Variants in MIOS observed in about 807,000 individuals in gnomAD.
MIOS encodes GATOR2 complex protein MIOS.
In MIOS, 52 loss-of-function variants were observed where a neutral mutation model predicts 96.9. The observed-to-expected ratio is 0.54, with a 90% confidence interval of 0.43 to 0.68. MIOS has a LOEUF of 0.68. Among genes scored for constraint, MIOS ranks in the 30% least tolerant of loss-of-function variants. The pLI, the probability that MIOS is intolerant of heterozygous loss-of-function variation, is 0.00. For synonymous variants in MIOS, 397 were observed against 359.5 expected (o/e 1.10, Z -1.18); for missense variants, 1,005 against 1,052.8 (o/e 0.95, Z 0.63).
intron 11 of MIOS, among the ~76,000 whole-genome samples, chr7:7,600,874 A>C (rs1784355317): frequency 6.6e-6 from 1 of 152,212 alleles, no homozygotes; most frequent in South Asian, 2.1e-4. Flanking sequence ...TGTCTCTCAG[A>C]CCACAGTGCA....
In MIOS at chr7:7,589,577, G is replaced by T; in HGVS notation, c.2043+14G>T. The T allele has an allele frequency of 6.4e-7, 1 of 1,562,632 alleles. No individual in the cohort carries two copies. The highest frequency in any genetic ancestry group is 1.2e-5 in the South Asian group (1 of 82,024). On this transcript the variant is annotated intron_variant, in intron 9 of 12. Transcript: ENST00000340080. ...TGTATGTTACAGGTCAGTGCAGTTT[G>T]ACAGCAGCTTTTAAAAAAGTAACAA...
intron 11 of MIOS, among the ~76,000 whole-genome samples, chr7:7,600,096 G>A (rs566081346): frequency 2.2e-4 from 33 of 151,898 alleles, no homozygotes; most frequent in Admixed American, 3.9e-4. Flanking sequence ...GAAATAATCC[G>A]TACACCAAAA....
intron 7 of MIOS, 88 bp downstream of exon 7, chr7:7,585,893 A>C: frequency 8.4e-7 from 1 of 1,184,584 alleles, no homozygotes; most frequent in South Asian, 1.9e-5. Context: ...TGTCTGTTGC[A>C]TAAAATATTA....
At position 7,608,221 on chromosome 7, in the gene MIOS, A is replaced by C. The variant is rs988352823; in HGVS notation, c.*1129A>C. On this transcript the variant is annotated 3_prime_UTR_variant, in exon 13 of 13. Transcript: ENST00000340080. ...TGTAAGAGAAATACAAAGAATTTAC[A>C]AGATGCTTCTCTGTCATCTGCCATA... 6.6e-6 allele frequency: 1 copy of C among 152,088 alleles called. No individual in the cohort carries two copies. The highest frequency in any genetic ancestry group is 1.5e-5 in the Non-Finnish European group (1 of 67,976). The allele number at this position is 152,088 out of a possible 1,614,324, so 9.4% of individuals were successfully genotyped here.
At chr7:7,603,108 G>A (rs200211404) in intron 11 of MIOS, among the ~76,000 whole-genome samples, 23 of 152,266 alleles carry the variant, frequency 1.5e-4, no homozygotes, top group Admixed American at 3.3e-4. Flanking sequence ...ACCTAAAACC[G>A]TAAAAACCCT....
intron 5 of MIOS, among the ~76,000 whole-genome samples, chr7:7,575,574 T>A (rs1242701271): frequency 6.6e-6 from 1 of 152,166 alleles, no homozygotes; most frequent in East Asian, 1.9e-4. Flanking sequence ...TGCCTATTGC[T>A]ACAAAGAATT....
intron 3 of MIOS, among the ~76,000 whole-genome samples, chr7:7,570,123 A>G (rs1783301815): frequency 1.3e-5 from 2 of 152,350 alleles, no homozygotes; most frequent in South Asian, 4.1e-4. Flanking sequence ...AAAGATGAAT[A>G]AAAGAAAAGC....
At chr7:7,582,572 A>C in intron 5 of MIOS, 3 of 881,270 alleles carry the variant, frequency 3.4e-6, no homozygotes, top group Non-Finnish European at 4.1e-6. Context: ...TAAAATTATT[A>C]CTTACCTTAA....
At chr7:7,593,553 T>C (rs1029907814) in intron 9 of MIOS, among the ~76,000 whole-genome samples, 1 of 152,072 alleles carries the variant, frequency 6.6e-6, no homozygotes, top group Admixed American at 6.6e-5. Flanking sequence ...TTCTCCATTA[T>C]GTAAAGTTAA....
At chr7:7,588,691 A>G in intron 8 of MIOS, 128 bp downstream of exon 8, 1 of 473,110 alleles carries the variant, frequency 2.1e-6, no homozygotes, top group Non-Finnish European at 3.4e-6. Flanking sequence ...GTATGGTAAG[A>G]ATTTATTAGA....
intron 5 of MIOS, among the ~76,000 whole-genome samples, chr7:7,576,620 G>C (rs1783542609): frequency 6.6e-6 from 1 of 152,138 alleles, no homozygotes; most frequent in Non-Finnish European, 1.5e-5. Flanking sequence ...TAAGCAGTGG[G>C]CTAACTCAAG....
chr7:7,573,590 G>C lies in MIOS; in HGVS notation c.1115G>C (p.Arg372Pro). ...ACATCTTTAATGTGGGCTTGTGGTC[G>C]TCATTTATATGAATGTACGGAAGAA... ...PITSLMWACG[R>P]HLYECTEEEN... The change falls in exon 4 of 13, where the codon CGT becomes CCT. Residue 372 changes from arginine to proline, a missense_variant. By Grantham distance (103) the Arg-to-Pro change is moderately radical (BLOSUM62 -2). This residue lies in a region of MIOS where 865 missense variants were observed against 887.9 expected (regional missense o/e 0.97). Coordinates refer to ENST00000340080, the MANE Select transcript of MIOS (RefSeq NM_019005.4). The surrounding 1 kb of genome is among the most constrained non-coding windows in gnomAD (Gnocchi z 5.0). 1 of 1,613,984 alleles carries C rather than the reference G, an allele frequency of 6.2e-7. No individual in the cohort carries two copies. The highest frequency in any genetic ancestry group is 8.5e-7 in the Non-Finnish European group (1 of 1,179,930).
intron 7 of MIOS, among the ~76,000 whole-genome samples, chr7:7,586,988 C>CTTTT (rs71988879): frequency 2.4e-5 from 3 of 123,040 alleles, no homozygotes; most frequent in African/African-American, 6.1e-5. Flanking sequence ...TTTTCTTTCC[C>CTTTT]TTTTTTTTTT....
At chr7:7,594,264 T>C (rs1784137205) in intron 9 of MIOS, among the ~76,000 whole-genome samples, 1 of 151,654 alleles carries the variant, frequency 6.6e-6, no homozygotes, top group African/African-American at 2.4e-5. Flanking sequence ...AGGACCAAGC[T>C]AACTGTTAGT....
intron 11 of MIOS, among the ~76,000 whole-genome samples, chr7:7,602,789 C>T (rs9655514): frequency 0.95 from 144,528 of 151,908 alleles, 68,865 homozygotes; most frequent in East Asian, 1. Flanking sequence ...AGAACAAAGC[C>T]GGAGGCATCA....
At chr7:7,587,098 C>T (rs1239415599) in intron 7 of MIOS, among the ~76,000 whole-genome samples, 1 of 151,516 alleles carries the variant, frequency 6.6e-6, no homozygotes, top group African/African-American at 2.4e-5. Flanking sequence ...GCAACCTCCA[C>T]CTCCTGGGTT....
At chr7:7,591,817 G>A (rs1002497937) in intron 9 of MIOS, among the ~76,000 whole-genome samples, 2 of 151,992 alleles carry the variant, frequency 1.3e-5, no homozygotes, top group Admixed American at 6.6e-5. Context: ...TGGGAAGTAC[G>A]GGGATATTAT....
chr7:7,597,517 T>TATATATATAAA lies in MIOS; in HGVS notation c.2401+1056_2401+1057insATATATATAAA, dbSNP rs372634070. ...ATATATATATATATATATATATATA[T>TATATATATAAA]GAAGGCAATACGTAATGTTTTAAAT... On this transcript the variant is annotated intron_variant, in intron 11 of 12. Transcript: ENST00000340080. 8.1e-4 allele frequency among the ~76,000 whole-genome samples: 57 copies of TATATATATAAA among 70,398 alleles called. 3 individuals carry two copies. Among genetic ancestry groups the TATATATATAAA allele is most frequent in the Middle Eastern group, 8.6e-3 (1 of 116 alleles). 46.2% of individuals were successfully genotyped at this position (70,398 alleles called of 152,430 possible).
intron 11 of MIOS, among the ~76,000 whole-genome samples, chr7:7,599,867 G>A (rs1784319483): frequency 6.6e-6 from 1 of 152,164 alleles, no homozygotes; most frequent in East Asian, 1.9e-4. Context: ...ATGCAGCCAT[G>A]TCTTTTGCAG....
Sources: gnomAD v4.1 joint callset for allele counts (sites outside exome capture counted in the v4.1 genomes callset) on GRCh38, gnomAD v4.1.1 for gene constraint, gnomAD v4.1.1 regional missense constraint, Gnocchi (gnomAD v3.1) non-coding constraint, MANE v1.5 for transcripts, NCBI Gene and HGNC (gene_info 2026-07-23, HGNC 2026-07-21) for gene names.